The following CLDN14 variants were observed in gnomAD, a reference collection of about 807,000 sequenced individuals.
CLDN14 encodes claudin 14, also known as claudin-14.
CLDN14 carries 2 observed loss-of-function variants against 2.1 expected under a neutral mutation model. That is an observed-to-expected ratio of 0.96 (90% CI 0.39 to 3.01). The LOEUF (loss-of-function observed/expected upper bound fraction) is 3.01, where lower values mean the gene tolerates loss of function less well. Ranked by LOEUF, CLDN14 falls within the 30% of genes most tolerant of loss-of-function variation. CLDN14 has a pLI of 0.09. For synonymous variants in CLDN14, 136 were observed against 154.4 expected (o/e 0.88, Z 0.88); for missense variants, 298 against 328.0 (o/e 0.91, Z 0.71).
rs149966731 is a variant in CLDN14 at position 36,575,985 on chromosome 21, G to A, written c.-220+426C>T. Among the ~76,000 whole-genome samples, 66 of 152,232 alleles carry A rather than the reference G, an allele frequency of 4.3e-4. 2 individuals carry two copies. The East Asian group carries it at 0.013, about 29-fold the overall frequency. On this transcript the variant is annotated intron_variant, in intron 1 of 2. Coordinates refer to the CLDN14 transcript ENST00000342108. ...GAATTTTATCTTTTCTTTGGAAATC[G>A]ATCTTGCTATTAATCTACTTGAAGG... is the stretch of plus-strand genomic sequence containing the variant.
intron 1 of CLDN14, among the ~76,000 whole-genome samples, chr21:36,529,480 G>T: frequency 6.6e-6 from 1 of 152,078 alleles, no homozygotes. Flanking sequence ...TAAAGACAGG[G>T]TTTCACCAGG....
intron 2 of CLDN14, among the ~76,000 whole-genome samples, chr21:36,502,749 G>C (rs1000292260): frequency 7.9e-5 from 12 of 152,140 alleles, no homozygotes; most frequent in African/African-American, 2.4e-4. Context: ...GGGTTTCTTT[G>C]CATTCATAAA....
chr21:36,558,422 G>T (rs1294486786), intron 1 of CLDN14, among the ~76,000 whole-genome samples: 2 of 151,816 alleles, frequency 1.3e-5, no homozygotes, highest in East Asian at 3.9e-4. Flanking sequence ...CATGAACATG[G>T]GATACTTTTC....
chr21:36,521,582 T>C (rs1336709225), intron 1 of CLDN14, among the ~76,000 whole-genome samples: 3 of 152,178 alleles, frequency 2.0e-5, no homozygotes, highest in Non-Finnish European at 4.4e-5. Flanking sequence ...GTAGAGGGCT[T>C]GGGATTGTTT....
intron 1 of CLDN14, among the ~76,000 whole-genome samples, chr21:36,526,958 A>G (rs1240090134): frequency 1.3e-5 from 2 of 152,238 alleles, no homozygotes; most frequent in Non-Finnish European, 2.9e-5. Flanking sequence ...GGACCATCAA[A>G]GCACTGGGTT....
chr21:36,556,055 C>T (rs1205175391), intron 1 of CLDN14, among the ~76,000 whole-genome samples: 1 of 152,090 alleles, frequency 6.6e-6, no homozygotes, highest in African/African-American at 2.4e-5. Context: ...CACTCAGGGG[C>T]CCAAGCTATT....
intron 1 of CLDN14, among the ~76,000 whole-genome samples, chr21:36,472,537 T>C (rs914610989): frequency 3.9e-5 from 6 of 152,210 alleles, no homozygotes; most frequent in African/African-American, 1.2e-4. Flanking sequence ...AAGGTTAACA[T>C]TGAAAGCAGA....
At chr21:36,514,618 AGAAAGTGTGTGTGT>A (rs1451475759) in intron 1 of CLDN14, among the ~76,000 whole-genome samples, 4,313 of 135,250 alleles carry the variant, frequency 0.032, 254 homozygotes, top group African/African-American at 0.12. Flanking sequence ...TTATCGTGAG[AGAAAGTGTGTGTGT>A]GTGTGTGTGT....
chr21:36,563,408 G>GA (rs560095964), intron 1 of CLDN14, among the ~76,000 whole-genome samples: 40 of 144,414 alleles, frequency 2.8e-4, no homozygotes, highest in Admixed American at 2.8e-4. Context: ...ACATGTTGGA[G>GA]AAAAAAAAAA....
chr21:36,461,935 G>A (rs974367539), intron 1 of CLDN14, among the ~76,000 whole-genome samples, 159 bp from the exon 2 acceptor site: 10 of 152,220 alleles, frequency 6.6e-5, no homozygotes, highest in Admixed American at 6.5e-4. Context: ...CACTGGGTGG[G>A]AGAGTAACTG....
intron 1 of CLDN14, among the ~76,000 whole-genome samples, chr21:36,462,620 TAGGGCCAGGCATATAGAAGACACTA>T (rs1243949971): frequency 6.6e-6 from 1 of 152,034 alleles, no homozygotes; most frequent in Non-Finnish European, 1.5e-5. Flanking sequence ...AGCATCAACA[TAGGGCCAGGCATATAGAAGACACTA>T]AGGGCCAGGC....
At chr21:36,539,174 T>C (rs865824539) in intron 1 of CLDN14, among the ~76,000 whole-genome samples, 4 of 152,266 alleles carry the variant, frequency 2.6e-5, no homozygotes, top group Non-Finnish European at 4.4e-5. Context: ...GAGAAACTTC[T>C]CTGTGCCAGG....
chr21:36,500,163 G>A (rs1279796025), intron 2 of CLDN14, among the ~76,000 whole-genome samples: 1 of 152,128 alleles, frequency 6.6e-6, no homozygotes. Context: ...ATATCCAGGA[G>A]CCTAACACCA....
intron 1 of CLDN14, among the ~76,000 whole-genome samples, chr21:36,528,442 C>T (rs1213216136): frequency 6.6e-6 from 1 of 152,160 alleles, no homozygotes; most frequent in Non-Finnish European, 1.5e-5. Flanking sequence ...CTGGGGAAGC[C>T]AAGTGTTAGG....
At chr21:36,496,166 C>T (rs1489406508) in intron 2 of CLDN14, among the ~76,000 whole-genome samples, 72 of 151,976 alleles carry the variant, frequency 4.7e-4, no homozygotes, top group Non-Finnish European at 1.3e-4. Flanking sequence ...TGCAGTGGCT[C>T]CCAAAATGCC....
chr21:36,522,361 G>A (rs952144232), intron 1 of CLDN14, among the ~76,000 whole-genome samples: 1 of 152,212 alleles, frequency 6.6e-6, no homozygotes. Context: ...CTGACTTGGC[G>A]CAAATGTTCT....
At chr21:36,524,385 G>A (rs1166660309) in intron 1 of CLDN14, among the ~76,000 whole-genome samples, 1 of 152,218 alleles carries the variant, frequency 6.6e-6, no homozygotes, top group Non-Finnish European at 1.5e-5. Flanking sequence ...GACTCCCAAA[G>A]TGCAGGGATA....
rs747443576 is a variant in CLDN14 at position 36,461,071 on chromosome 21, G to T, written c.625C>A (p.Pro209Thr). 6.2e-7 allele frequency: 1 copy of T among 1,614,138 alleles called. No individual in the cohort carries two copies. The highest frequency in any genetic ancestry group is 8.5e-7 in the Non-Finnish European group (1 of 1,180,008). ...TAGGCAGCTGGTGGCTGGTAGGCAG[G>T]TGCGGTGTTTGCAGTGGTCGTGGTG... ...RATTTTANTA[P>T]AYQPPAAYKD... is the part of the protein sequence containing the mutation. The change falls in exon 2 of 2, where the codon CCT becomes ACT. Residue 209 changes from proline (P) to threonine (T), a missense_variant. Transcript: ENST00000399135.
At chr21:36,484,200 G>A (rs2086873159), upstream of CLDN14, among the ~76,000 whole-genome samples, 2 of 152,230 alleles carry the variant, frequency 1.3e-5, no homozygotes, top group Non-Finnish European at 2.9e-5. Context: ...GAGTGAGGTA[G>A]GAAGAGCATG....
Sources: allele counts gnomAD v4.1 joint callset (sites outside exome capture counted in the v4.1 genomes callset), GRCh38; gene constraint gnomAD v4.1.1; transcripts MANE v1.5; gene names NCBI Gene and HGNC (gene_info 2026-07-23, HGNC 2026-07-21).